AUTS2: variants seen among roughly 807,000 people sequenced by gnomAD.
The protein encoded by AUTS2 is activator of transcription and developmental regulator AUTS2.
Under a neutral mutation model 112.4 loss-of-function variants are expected in AUTS2, and 17 were observed. That is an observed-to-expected ratio of 0.15 (90% CI 0.10 to 0.23). AUTS2 has a LOEUF of 0.23. AUTS2 is among the 10% of genes least tolerant of loss of function. The pLI is 1.00. For missense variants in AUTS2, 1,510 were observed against 1,701.6 expected (o/e 0.89, Z 1.98); for synonymous variants, 751 against 702.7 (o/e 1.07, Z -1.09).
At chr7:69,869,138 C>T (rs1793367064) in intron 1 of AUTS2, among the ~76,000 whole-genome samples, 2 of 152,092 alleles carry the variant, frequency 1.3e-5, no homozygotes, top group South Asian at 4.1e-4. Context: ...CAGAGTTACG[C>T]AAGCGAAATA....
intron 1 of AUTS2, among the ~76,000 whole-genome samples, chr7:69,731,311 T>C (rs1786781882): frequency 6.6e-6 from 1 of 151,912 alleles, no homozygotes; most frequent in Non-Finnish European, 1.5e-5. Flanking sequence ...ACAAAACAAA[T>C]AAACAAAAAA....
intron 1 of AUTS2, among the ~76,000 whole-genome samples, chr7:69,891,774 CTTTTTTTTTTTTTTTTTTTTTTT>C (rs763424098): frequency 4.5e-4 from 12 of 26,736 alleles, no homozygotes; most frequent in East Asian, 1.5e-3. Context: ...AGACAGATAT[CTTTTTTTTTTTTTTTTTTTTTTT>C]TTTTTTTTTT....
intron 1 of AUTS2, among the ~76,000 whole-genome samples, chr7:69,812,007 G>T (rs1351922422): frequency 6.6e-6 from 1 of 152,210 alleles, no homozygotes; most frequent in Non-Finnish European, 1.5e-5. Context: ...CCAGGTGAAT[G>T]TAGAATTTTG....
chr7:69,793,667 C>T (rs1297444373), intron 1 of AUTS2, among the ~76,000 whole-genome samples: 1 of 152,140 alleles, frequency 6.6e-6, no homozygotes, highest in Admixed American at 6.5e-5. Context: ...TTTTGAAAAA[C>T]CCCAATATTT....
At chr7:70,701,111 G>A (rs10229830) in intron 6 of AUTS2, among the ~76,000 whole-genome samples, 3,731 of 152,300 alleles carry the variant, frequency 0.024, 154 homozygotes, top group African/African-American at 0.084. Context: ...CAAGAGACTG[G>A]TAGTATTCTG....
intron 2 of AUTS2, among the ~76,000 whole-genome samples, chr7:69,913,839 C>T (rs1584432537): frequency 1.3e-5 from 2 of 152,152 alleles, no homozygotes; most frequent in Admixed American, 6.5e-5. Context: ...TTACTGGCTC[C>T]AGCTCCCGAC....
At chr7:70,496,146 A>G (rs1585216397) in intron 5 of AUTS2, among the ~76,000 whole-genome samples, 1 of 76,748 alleles carries the variant, frequency 1.3e-5, no homozygotes, top group Non-Finnish European at 2.5e-5. Context: ...CACACACCCC[A>G]CTCACACACA....
intron 4 of AUTS2, among the ~76,000 whole-genome samples, chr7:70,156,923 A>AAAAAAAAAAAAAAG: frequency 7.5e-6 from 1 of 133,314 alleles, no homozygotes; most frequent in African/African-American, 2.8e-5. Context: ...AAAAAAAAAA[A>AAAAAAAAAAAAAAG]AAAATTAGCT....
intron 1 of AUTS2, among the ~76,000 whole-genome samples, chr7:69,851,079 T>G (rs1467526094): frequency 6.6e-6 from 1 of 152,188 alleles, no homozygotes; most frequent in East Asian, 1.9e-4. Context: ...ATAATCTAAT[T>G]GCTTCAACAC....
At chr7:70,494,278 C>T (rs920054401) in intron 5 of AUTS2, among the ~76,000 whole-genome samples, 1 of 151,938 alleles carries the variant, frequency 6.6e-6, no homozygotes, top group Non-Finnish European at 1.5e-5. Flanking sequence ...AGAGTCTAGG[C>T]TTGGGTATTT....
intron 5 of AUTS2, among the ~76,000 whole-genome samples, chr7:70,491,590 TGTG>T (rs1295781791): frequency 0.019 from 550 of 28,814 alleles, 7 homozygotes; most frequent in African/African-American, 0.12. Flanking sequence ...GTATATATAT[TGTG>T]TGTGTGTGTG....
intron 2 of AUTS2, among the ~76,000 whole-genome samples, chr7:70,033,125 A>G (rs1208297309): frequency 6.6e-6 from 1 of 152,162 alleles, no homozygotes; most frequent in Non-Finnish European, 1.5e-5. Context: ...TAATAGTTGC[A>G]CAACTATCTG....
intron 2 of AUTS2, among the ~76,000 whole-genome samples, chr7:69,979,219 T>C (rs1275708821): frequency 6.6e-6 from 1 of 152,202 alleles, no homozygotes; most frequent in African/African-American, 2.4e-5. Flanking sequence ...GCCCTAAGAA[T>C]CCTTTTATTC....
chr7:70,543,515 T>G, intron 5 of AUTS2, among the ~76,000 whole-genome samples: 3 of 135,920 alleles, frequency 2.2e-5, no homozygotes, highest in Admixed American at 8.1e-5. Flanking sequence ...GGCGACAGAG[T>G]GAGACTCCAT....
At chr7:70,046,555 A>T (rs952165836) in intron 2 of AUTS2, among the ~76,000 whole-genome samples, 1 of 152,212 alleles carries the variant, frequency 6.6e-6, no homozygotes, top group Admixed American at 6.5e-5. Context: ...ATTAGTCTGA[A>T]TTTTGTTGAA....
chr7:70,552,092 A>G (rs1801038330), intron 5 of AUTS2, among the ~76,000 whole-genome samples: 3 of 152,102 alleles, frequency 2.0e-5, no homozygotes, highest in Admixed American at 1.3e-4. Flanking sequence ...GAGTATGTGT[A>G]TCTTTGTGTG....
chr7:70,635,477 T>C (rs1320631147), intron 5 of AUTS2, among the ~76,000 whole-genome samples: 1 of 152,164 alleles, frequency 6.6e-6, no homozygotes, highest in Admixed American at 6.5e-5. Flanking sequence ...GTCCCAGGCC[T>C]TGAAGGGCTT....
intron 2 of AUTS2, among the ~76,000 whole-genome samples, chr7:70,100,779 G>T (rs1203176288): frequency 2.0e-5 from 3 of 152,178 alleles, no homozygotes; most frequent in Non-Finnish European, 4.4e-5. Flanking sequence ...ACCCAGGAAA[G>T]AATTTATTAC....
At chr7:70,638,634 G>A (rs1805648049) in intron 5 of AUTS2, among the ~76,000 whole-genome samples, 1 of 152,138 alleles carries the variant, frequency 6.6e-6, no homozygotes, top group Non-Finnish European at 1.5e-5. Flanking sequence ...TTATTTAGAA[G>A]CCCTTATTAT....
Sources: gnomAD v4.1 joint callset for allele counts (sites outside exome capture counted in the v4.1 genomes callset) on GRCh38, gnomAD v4.1.1 for gene constraint, MANE v1.5 for transcripts, NCBI Gene and HGNC (gene_info 2026-07-23, HGNC 2026-07-21) for gene names.